Variants in SETD5 observed in about 807,000 individuals in gnomAD.
The protein encoded by SETD5 is histone-lysine N-methyltransferase SETD5.
SETD5 carries 44 observed loss-of-function variants against 153.3 expected under a neutral mutation model. The observed-to-expected ratio is 0.29, with a 90% confidence interval of 0.23 to 0.37. The LOEUF (loss-of-function observed/expected upper bound fraction) is 0.37, where lower values mean the gene tolerates loss of function less well. Ranked by LOEUF, SETD5 falls within the 10% of genes least tolerant of loss-of-function variation. The pLI, the probability that SETD5 is intolerant of heterozygous loss-of-function variation, is 1.00. For synonymous variants in SETD5, 716 were observed against 645.2 expected, an observed-to-expected ratio of 1.11 and a Z score of -1.66; for missense variants, 1,544 against 1,768.0, an observed-to-expected ratio of 0.87 and a Z score of 2.27.
chr3:9,464,607 C>T lies in SETD5; in HGVS notation c.2659C>T (p.Leu887Phe). The T allele has an allele frequency of 6.2e-7, 1 of 1,614,026 alleles. No individual in the cohort carries two copies. The highest frequency in any genetic ancestry group is 2.2e-5 in the East Asian group (1 of 44,880). Residue 887 changes from leucine (L) to phenylalanine (F), a missense_variant, in exon 18 of 23, where the codon CTC becomes TTC. Leu to Phe is a conservative substitution (Grantham distance 22). Transcript: ENST00000402198. The stretch of plus-strand genomic sequence containing the variant: ...AGAGGAGTGTCGAAATGGATACAGC[C>T]TCATGTTTTCACCAGTCACATCTCT... ...GEEECRNGYS[L>F]MFSPVTSLTT...
chr3:9,471,243 T>G (rs1182726849), intron 19 of SETD5, among the ~76,000 whole-genome samples: 1 of 152,228 alleles, frequency 6.6e-6, no homozygotes, highest in Non-Finnish European at 1.5e-5. Flanking sequence ...TAAATGTGTT[T>G]TATCCTCACA....
In SETD5 at chr3:9,452,659, A is replaced by ATTTTTTTTTTT. The variant is rs1164278885; in HGVS notation, c.2347-1065_2347-1055dup. Among the ~76,000 whole-genome samples, 10 of 59,818 alleles carry ATTTTTTTTTTT rather than the reference A, an allele frequency of 1.7e-4. No individual in the cohort carries two copies. In the East Asian group the frequency reaches 1.7e-3, roughly 10 times the overall value. The allele number at this position is 59,818 out of a possible 152,430, so 39.2% of individuals were successfully genotyped here. On this transcript the variant is annotated intron_variant, in intron 16 of 22. Coordinates refer to ENST00000402198, the MANE Select transcript of SETD5 (RefSeq NM_001080517.3). ...CACAATGACATTTGTATGATGTAAG[A>ATTTTTTTTTTT]TTTTTTTTTTTTTTTTTTTTTTTTT...
intron 17 of SETD5, among the ~76,000 whole-genome samples, chr3:9,459,062 T>C (rs1015458464): frequency 2.0e-5 from 3 of 152,192 alleles, no homozygotes; most frequent in African/African-American, 7.2e-5. Flanking sequence ...AAATATTTTC[T>C]GCATCCTGCT....
chr3:9,411,057 T>C (rs2036503474), intron 1 of SETD5, among the ~76,000 whole-genome samples: 1 of 151,894 alleles, frequency 6.6e-6, no homozygotes, highest in South Asian at 2.1e-4. Flanking sequence ...CCCAGCTAAT[T>C]TTTATATTTT....
chr3:9,473,597 G>T (rs1221648150), intron 20 of SETD5, 60 bp downstream of exon 20: 39 of 1,492,496 alleles, frequency 2.6e-5, no homozygotes, highest in Non-Finnish European at 3.4e-5. Flanking sequence ...ATATATCTAA[G>T]ATCATTCCCA....
intron 1 of SETD5, among the ~76,000 whole-genome samples, chr3:9,403,270 T>TA (rs1026096323): frequency 6.6e-6 from 1 of 152,006 alleles, no homozygotes; most frequent in Non-Finnish European, 1.5e-5. Flanking sequence ...AAAAAATAAA[T>TA]AAAGCTCTGT....
At position 9,447,742 on chromosome 3, in the gene SETD5, C is replaced by G; in HGVS notation, c.1839C>G (p.Pro613=). The part of the protein sequence containing the change: ...PKPPPAKPSR[P]RPKSRISRYR... ...CACCTCCAGCAAAGCCTTCTAGGCC[C>G]CGGCCGAAGAGTCGAATTTCTCGGT... Residue 613 remains proline, a synonymous_variant, in exon 15 of 23, where the codon CCC becomes CCG. Transcript: ENST00000402198. 1 of 1,613,892 alleles carries G rather than the reference C, an allele frequency of 6.2e-7. No homozygotes were observed.
At chr3:9,463,101 C>T (rs1180938434) in intron 17 of SETD5, among the ~76,000 whole-genome samples, 1 of 152,176 alleles carries the variant, frequency 6.6e-6, no homozygotes, top group Non-Finnish European at 1.5e-5. Context: ...CTCGCTGCAA[C>T]CTCTGCCTCC....
chr3:9,463,024 T>C, intron 17 of SETD5, among the ~76,000 whole-genome samples: 1 of 152,012 alleles, frequency 6.6e-6, no homozygotes, highest in East Asian at 1.9e-4. Context: ...GTTGTGTCGT[T>C]TTGTTTTGTT....
At position 9,434,527 on chromosome 3, in the gene SETD5, G is replaced by A. The variant is rs1355350071; in HGVS notation, c.329+42G>A. On this transcript the variant is annotated intron_variant, in intron 5 of 22. Transcript: ENST00000402198. The surrounding 1 kb of genome is among the most constrained non-coding windows in gnomAD (Gnocchi z 5.6). ...TCTAAATTTAAGTCTGGGTTGCTGGGATTAGGGTTTCTTACAAGTAGGGAA... is the reference window on the plus strand; with the variant it reads ...TCTAAATTTAAGTCTGGGTTGCTGGAATTAGGGTTTCTTACAAGTAGGGAA... 8 of 1,611,416 alleles carry A rather than the reference G, an allele frequency of 5.0e-6. No individual in the cohort carries two copies. In the South Asian group the frequency reaches 8.8e-5, roughly 18 times the overall value.
chr3:9,442,170 A>G lies in SETD5; in HGVS notation c.1002A>G (p.Val334=). ...FVLFYSKFNG[V]EMCVDARTFG... Reference sequence around the variant, plus strand: ...TCTTCTACTCAAAATTCAATGGTGTAGAGATGTGTGTGGATGCCCGTACTT... The same window carrying G: ...TCTTCTACTCAAAATTCAATGGTGTGGAGATGTGTGTGGATGCCCGTACTT... The change falls in exon 10 of 23, where the codon GTA becomes GTG. Residue 334 remains valine, a synonymous_variant. Coordinates refer to ENST00000402198, the MANE Select transcript of SETD5 (RefSeq NM_001080517.3). The G allele has an allele frequency of 6.2e-7, 1 of 1,611,748 alleles. No homozygotes were observed. Among genetic ancestry groups the G allele is most frequent in the South Asian group, 1.1e-5 (1 of 91,016 alleles).
Position 9,398,118 on chromosome 3 carries a change from T to C in SETD5, c.-177+141T>C, listed in dbSNP as rs553750846. ...CAAGCTCTTAGGAGGATGCTGCCAC[T>C]TCTCACCCCCCTCGCCGCCTTGCAC... On this transcript the variant is annotated intron_variant, in intron 1 of 22. Transcript: ENST00000402198. 4 of 152,158 alleles carry C rather than the reference T, an allele frequency of 2.6e-5. No homozygotes were observed. The East Asian group carries it at 7.8e-4, about 30-fold the overall frequency. The allele number at this position is 152,158 out of a possible 1,614,324, so 9.4% of individuals were successfully genotyped here.
At chr3:9,411,949 A>C (rs1019505078) in intron 1 of SETD5, among the ~76,000 whole-genome samples, 7 of 152,170 alleles carry the variant, frequency 4.6e-5, no homozygotes, top group African/African-American at 1.4e-4. Flanking sequence ...CACATTTAAA[A>C]ATTTAATAAA....
At chr3:9,468,209 C>T (rs776624691) in intron 18 of SETD5, among the ~76,000 whole-genome samples, 11 of 151,890 alleles carry the variant, frequency 7.2e-5, no homozygotes, top group Non-Finnish European at 1.3e-4. Context: ...AATACAAAGA[C>T]GTATAACACT....
chr3:9,454,970 C>G (rs971870734), intron 17 of SETD5, among the ~76,000 whole-genome samples: 1 of 152,048 alleles, frequency 6.6e-6, no homozygotes, highest in Non-Finnish European at 1.5e-5. Flanking sequence ...TTCACATTTT[C>G]ATAAAAAACC....
chr3:9,410,356 A>C (rs2036371553), intron 1 of SETD5, among the ~76,000 whole-genome samples: 1 of 152,204 alleles, frequency 6.6e-6, no homozygotes, highest in South Asian at 2.1e-4. Context: ...CCTTGACTGA[A>C]ATGTCGTTAT....
chr3:9,463,898 C>T (rs533615678), intron 17 of SETD5, among the ~76,000 whole-genome samples: 12 of 152,304 alleles, frequency 7.9e-5, no homozygotes, highest in East Asian at 1.9e-4. Context: ...GCGTCTAAGG[C>T]GGGCAGATCA....
At position 9,409,170 on chromosome 3, in the gene SETD5, C is replaced by T. The variant is rs889798030; in HGVS notation, c.-177+11193C>T. ...AGGACTTCAGGCATTCTCACACCAC[C>T]CTTTTTGAGAATCACTGGCCTATAT... On this transcript the variant is annotated intron_variant, in intron 1 of 22. Coordinates refer to ENST00000402198, the MANE Select transcript of SETD5 (RefSeq NM_001080517.3). Among the ~76,000 whole-genome samples the T allele has an allele frequency of 2.5e-4, 38 of 152,060 alleles. 1 individual carries two copies. Among genetic ancestry groups the T allele is most frequent in the African/African-American group, 9.2e-4 (38 of 41,406 alleles).
In SETD5 at chr3:9,453,816, A is replaced by T; in HGVS notation, c.2424A>T (p.Leu808=). 6.2e-7 allele frequency: 1 copy of T among 1,606,668 alleles called. No homozygotes were observed. Among genetic ancestry groups the T allele is most frequent in the South Asian group, 1.1e-5 (1 of 89,484 alleles). The change falls in exon 17 of 23, where the codon CTA becomes CTT. Residue 808 remains leucine (L), a synonymous_variant. Transcript: ENST00000402198. ...SVPQETRTQH[L]YQSNENSSSS... ...CCCAAGAGACTAGAACTCAGCACCTATACCAAAGCAATGAGAATAGTAGCT... is the reference window on the plus strand; with the variant it reads ...CCCAAGAGACTAGAACTCAGCACCTTTACCAAAGCAATGAGAATAGTAGCT...
Sources: gnomAD v4.1 joint callset for allele counts (sites outside exome capture counted in the v4.1 genomes callset) on GRCh38, gnomAD v4.1.1 for gene constraint, Gnocchi (gnomAD v3.1) non-coding constraint, MANE v1.5 for transcripts, NCBI Gene and HGNC (gene_info 2026-07-23, HGNC 2026-07-21) for gene names.